The following NAV2 variants were observed in gnomAD, a reference collection of about 807,000 sequenced individuals.
NAV2 encodes the protein neuron navigator 2.
In NAV2, 54 loss-of-function variants were observed where a neutral mutation model predicts 223.2. The ratio of observed to expected loss-of-function variants is 0.24; its 90% confidence interval spans 0.19 to 0.30. The LOEUF is 0.30. NAV2 is among the 10% of genes least tolerant of loss of function. The pLI is 1.00. For missense variants in NAV2, 2,806 were observed against 3,147.5 expected (o/e 0.89, Z 2.60); for synonymous variants, 1,279 against 1,239.3 (o/e 1.03, Z -0.67).
chr11:20,057,525 A>C (rs2058442827), intron 19 of NAV2, among the ~76,000 whole-genome samples: 3 of 152,192 alleles, frequency 2.0e-5, no homozygotes, highest in Admixed American at 2.0e-4. Context: ...ACTGCTCAGA[A>C]CAGTGATAGT....
intron 8 of NAV2, among the ~76,000 whole-genome samples, chr11:19,944,807 TTTTC>T (rs1485869892): frequency 6.7e-6 from 1 of 148,776 alleles, no homozygotes; most frequent in Non-Finnish European, 1.5e-5. Context: ...TCTGTCTGTC[TTTTC>T]TTTCTTCCTT....
intron 1 of NAV2, among the ~76,000 whole-genome samples, chr11:19,633,291 G>A (rs1590737685): frequency 6.6e-6 from 1 of 152,224 alleles, no homozygotes; most frequent in Non-Finnish European, 1.5e-5. Flanking sequence ...GCTTGACCTG[G>A]GCCTGGGGCT....
At chr11:19,772,832 C>T (rs1359202577) in intron 1 of NAV2, among the ~76,000 whole-genome samples, 1 of 152,156 alleles carries the variant, frequency 6.6e-6, no homozygotes, top group African/African-American at 2.4e-5. Context: ...TGAGCTTTTT[C>T]CCATTAGTCA....
At chr11:19,526,845 C>T (rs183089513) in intron 1 of NAV2, among the ~76,000 whole-genome samples, 4 of 152,324 alleles carry the variant, frequency 2.6e-5, no homozygotes, top group African/African-American at 9.6e-5. Context: ...AAGTCCATAT[C>T]TGGAAAATAC....
rs1244512883 is a variant in NAV2 at position 20,103,685 on chromosome 11, C to T, written c.6605C>T (p.Thr2202Ile). Residue 2202 changes from threonine to isoleucine, a missense_variant, in exon 34 of 38, where the codon ACC becomes ATC. This residue lies in a region of NAV2 where 824 missense variants were observed against 1,069.4 expected (regional missense o/e 0.77). Transcript: ENST00000349880. ...PYIIGTMNQA[T>I]SSTPNLQLHH... The stretch of plus-strand genomic sequence containing the variant: ...ATAATTGGCACAATGAACCAGGCTA[C>T]CTCTTCGACTCCCAACCTGCAGCTT... The T allele has an allele frequency of 6.2e-7, 1 of 1,614,080 alleles. No homozygotes were observed. The highest frequency in any genetic ancestry group is 1.3e-5 in the African/African-American group (1 of 74,918).
chr11:19,713,645 C>A lies in NAV2; in HGVS notation c.-51C>A. 1 of 1,496,822 alleles carries A rather than the reference C, an allele frequency of 6.7e-7. No individual in the cohort carries two copies. Among genetic ancestry groups the A allele is most frequent in the South Asian group, 1.4e-5 (1 of 72,388 alleles). The allele number at this position is 1,496,822 out of a possible 1,614,324, so 92.7% of individuals were successfully genotyped here. On this transcript the variant is annotated 5_prime_UTR_variant, in exon 1 of 38. Transcript: ENST00000349880. The surrounding 1 kb of genome is among the most constrained non-coding windows in gnomAD (Gnocchi z 7.2). ...ACCCGCGCTGCCTTTAGCGGTCGCC[C>A]CCGCCGCCGCTGCCAGGGACGTGCT...
Position 19,603,631 on chromosome 11 carries a change from C to CAA in NAV2, c.76-228836_76-228835dup, listed in dbSNP as rs1222524445. 3.1e-3 allele frequency among the ~76,000 whole-genome samples: 181 copies of CAA among 57,562 alleles called. 3 individuals are homozygous for CAA. The highest frequency in any genetic ancestry group is 5.5e-3 in the African/African-American group (121 of 21,830). 37.8% of individuals were successfully genotyped at this position (57,562 alleles called of 152,430 possible). On this transcript the variant is annotated intron_variant, in intron 1 of 37. Transcript: ENST00000360655. ...TGGGCAACAGAGCCAGACTCCATCT[C>CAA]AAAAAAAAAAAAAAAAAAGAAAAAA...
chr11:19,760,693 C>G (rs2054665397), intron 1 of NAV2, among the ~76,000 whole-genome samples: 1 of 152,126 alleles, frequency 6.6e-6, no homozygotes, highest in Non-Finnish European at 1.5e-5. Context: ...ATCTAGTGCC[C>G]TTTCTGAGAA....
intron 8 of NAV2, among the ~76,000 whole-genome samples, chr11:19,941,210 T>A (rs1410253019): frequency 6.6e-6 from 1 of 152,102 alleles, no homozygotes; most frequent in African/African-American, 2.4e-5. Flanking sequence ...TTTTTCTTTT[T>A]ATCTCCATGT....
rs758099925 is a variant in NAV2 at position 20,113,977 on chromosome 11, C to T, written c.6961-615C>T. Among the ~76,000 whole-genome samples, 91 of 152,182 alleles carry T rather than the reference C, an allele frequency of 6.0e-4. 2 individuals are homozygous for T. Among genetic ancestry groups the T allele is most frequent in the Non-Finnish European group, 1.2e-4 (8 of 68,036 alleles). On this transcript the variant is annotated intron_variant, in intron 36 of 37. Coordinates refer to ENST00000349880, the MANE Select transcript of NAV2 (RefSeq NM_145117.5). ...CAGGGAGCATGATCATGCCACTATACTCCAGCCTGAGCAACATTGCAAAAC... is the reference window on the plus strand; with the variant it reads ...CAGGGAGCATGATCATGCCACTATATTCCAGCCTGAGCAACATTGCAAAAC...
intron 6 of NAV2, among the ~76,000 whole-genome samples, chr11:19,895,888 C>T (rs549973443): frequency 9.2e-5 from 14 of 152,172 alleles, no homozygotes; most frequent in African/African-American, 3.4e-4. Context: ...GAAATAACCA[C>T]CCGGGTAAGA....
chr11:19,555,882 C>G (rs1349443360), intron 1 of NAV2, among the ~76,000 whole-genome samples: 2 of 151,628 alleles, frequency 1.3e-5, no homozygotes, highest in Non-Finnish European at 2.9e-5. Flanking sequence ...GAGTGCACAG[C>G]TTGGTAGCAG....
At chr11:19,620,707 C>A (rs1213610788) in intron 1 of NAV2, among the ~76,000 whole-genome samples, 1 of 152,210 alleles carries the variant, frequency 6.6e-6, no homozygotes, top group Admixed American at 6.5e-5. Context: ...CATCTCCAAA[C>A]AGGGACAATT....
intron 1 of NAV2, among the ~76,000 whole-genome samples, chr11:19,698,993 G>A (rs561543793): frequency 3.9e-5 from 6 of 152,312 alleles, no homozygotes; most frequent in Admixed American, 3.9e-4. Flanking sequence ...AGCTACTTTT[G>A]CAGTTGTTCC....
intron 1 of NAV2, among the ~76,000 whole-genome samples, chr11:19,780,035 T>C (rs1035765631): frequency 1.4e-4 from 21 of 152,240 alleles, no homozygotes; most frequent in African/African-American, 4.8e-4. Context: ...TTGTTTTGTT[T>C]GAATAGTAGA....
At chr11:19,997,212 A>G (rs2034031) in intron 11 of NAV2, among the ~76,000 whole-genome samples, 79,520 of 152,038 alleles carry the variant, frequency 0.52, 23,401 homozygotes, top group Middle Eastern at 0.67. Context: ...AAAGTTTGAC[A>G]CTAGAAGGTG....
intron 3 of NAV2, among the ~76,000 whole-genome samples, chr11:19,844,083 C>G (rs1027166746): frequency 1.6e-4 from 25 of 152,178 alleles, no homozygotes; most frequent in African/African-American, 5.5e-4. Context: ...AAAGACCAAC[C>G]ACTTCTTACA....
chr11:19,979,833 G>A (rs766629308), intron 10 of NAV2, among the ~76,000 whole-genome samples: 5 of 152,216 alleles, frequency 3.3e-5, no homozygotes, highest in Non-Finnish European at 5.9e-5. Context: ...TAAACTAGAA[G>A]AAATTGCGCT....
At chr11:19,467,119 T>C (rs1852395827) in intron 1 of NAV2, among the ~76,000 whole-genome samples, 1 of 152,170 alleles carries the variant, frequency 6.6e-6, no homozygotes, top group Non-Finnish European at 1.5e-5. Context: ...TGTATAATTC[T>C]CTAGCTCAAT....
Sources: allele counts gnomAD v4.1 joint callset (sites outside exome capture counted in the v4.1 genomes callset), GRCh38; gene constraint gnomAD v4.1.1; regional missense constraint gnomAD v4.1.1; non-coding constraint Gnocchi (gnomAD v3.1); transcripts MANE v1.5; gene names NCBI Gene and HGNC (gene_info 2026-07-23, HGNC 2026-07-21).